The following ADGRL3 variants were observed in gnomAD, a reference collection of about 807,000 sequenced individuals.
ADGRL3 encodes calcium-independent alpha-latrotoxin receptor 3.
A neutral mutation model predicts 153.5 loss-of-function variants in ADGRL3; 62 were observed. The ratio of observed to expected loss-of-function variants is 0.40; its 90% CI spans 0.33 to 0.50. The LOEUF (loss-of-function observed/expected upper bound fraction) is 0.50. ADGRL3 is among the 20% of genes least tolerant of loss of function. The pLI is 0.47. For synonymous variants in ADGRL3, 710 were observed against 672.5 expected, an observed-to-expected ratio of 1.06 and a Z score of -0.86; for missense variants, 1,641 against 1,859.4, an observed-to-expected ratio of 0.88 and a Z score of 2.16.
chr4:61,806,931 T>A (rs1332464364), intron 8 of ADGRL3, among the ~76,000 whole-genome samples: 1 of 152,098 alleles, frequency 6.6e-6, no homozygotes, highest in African/African-American at 2.4e-5. Context: ...CCTCTACTAG[T>A]CTTTCCTGAG....
At chr4:61,891,186 C>T (rs367578449) in intron 9 of ADGRL3, among the ~76,000 whole-genome samples, 8 of 145,904 alleles carry the variant, frequency 5.5e-5, no homozygotes, top group Admixed American at 2.8e-4. Context: ...GGGAGCTGAA[C>T]GTAGATAGTG....
intron 9 of ADGRL3, among the ~76,000 whole-genome samples, chr4:61,881,963 T>C (rs2098511275): frequency 6.6e-6 from 1 of 152,242 alleles, no homozygotes; most frequent in Non-Finnish European, 1.5e-5. Flanking sequence ...TGTTGTTCAC[T>C]GAGAAATCTG....
At chr4:61,486,828 A>C (rs2098199926) in intron 2 of ADGRL3, among the ~76,000 whole-genome samples, 2 of 152,160 alleles carry the variant, frequency 1.3e-5, no homozygotes, top group African/African-American at 4.8e-5. Flanking sequence ...AGATCCTGGA[A>C]GATCATGGTT....
At chr4:61,841,416 G>C (rs538027449) in intron 9 of ADGRL3, among the ~76,000 whole-genome samples, 6 of 152,070 alleles carry the variant, frequency 3.9e-5, no homozygotes, top group Admixed American at 2.0e-4. Flanking sequence ...GCTTGTACCC[G>C]GGAGGAAACT....
intron 9 of ADGRL3, among the ~76,000 whole-genome samples, chr4:61,832,982 T>C (rs2097890603): frequency 2.6e-5 from 4 of 152,154 alleles, no homozygotes; most frequent in South Asian, 4.1e-4. Context: ...TGTAGAGCCA[T>C]GTATAGTTCC....
intron 2 of ADGRL3, among the ~76,000 whole-genome samples, chr4:61,432,573 C>CCTTTCTTTCTTT (rs1219373046): frequency 2.8e-5 from 1 of 35,864 alleles, no homozygotes; most frequent in African/African-American, 7.7e-5. Context: ...TCTTTCTCTT[C>CCTTTCTTTCTTT]CTTTCTTTCT....
chr4:61,832,170 T>C (rs1228187006), intron 9 of ADGRL3, among the ~76,000 whole-genome samples: 1 of 151,948 alleles, frequency 6.6e-6, no homozygotes, highest in Non-Finnish European at 1.5e-5. Flanking sequence ...TGTATGAGAC[T>C]TGGAGAGGGG....
At chr4:62,018,812 A>G (rs574229063) in intron 21 of ADGRL3, among the ~76,000 whole-genome samples, 109 of 152,286 alleles carry the variant, frequency 7.2e-4, no homozygotes, top group African/African-American at 2.3e-3. Context: ...CACTGGGGGC[A>G]GTAGGTACGG....
intron 1 of ADGRL3, among the ~76,000 whole-genome samples, chr4:61,359,357 A>T (rs925299752): frequency 3.9e-5 from 6 of 152,200 alleles, no homozygotes; most frequent in African/African-American, 9.6e-5. Context: ...CTCATGAAAT[A>T]AAAGCTAGAA....
At position 62,070,431 on chromosome 4, in the gene ADGRL3, C is replaced by A. The variant is rs1189224567; in HGVS notation, c.4155C>A (p.Asn1385Lys). ...AIVLDDATSF[N>K]HEESLGLELI... ...TCCTGGATGATGCCACCTCGTTTAACCACGAGGAGAGTTTGGGCCTGGAAC... is the reference window on the plus strand; with the variant it reads ...TCCTGGATGATGCCACCTCGTTTAAACACGAGGAGAGTTTGGGCCTGGAAC... Residue 1385 changes from asparagine to lysine, a missense_variant, in exon 27 of 27, where the codon AAC (asparagine) becomes AAA (lysine). Physicochemically the swap from Asn to Lys is moderately conservative, Grantham distance 94. Transcript: ENST00000683033. The A allele has an allele frequency of 6.4e-7, 1 of 1,551,892 alleles. No individual in the cohort carries two copies. Among genetic ancestry groups the A allele is most frequent in the South Asian group, 1.2e-5 (1 of 84,028 alleles).
intron 6 of ADGRL3, among the ~76,000 whole-genome samples, chr4:61,714,295 G>A (rs544329477): frequency 6.7e-6 from 1 of 150,198 alleles, no homozygotes; most frequent in East Asian, 2.0e-4. Context: ...TATAAAACTT[G>A]ATATTATGAG....
At position 61,499,894 on chromosome 4, in the gene ADGRL3, A is replaced by G. The variant is rs901537811; in HGVS notation, c.55+2546A>G. Among the ~76,000 whole-genome samples the G allele has an allele frequency of 7.9e-5, 12 of 152,032 alleles. No individual in the cohort carries two copies. The South Asian group carries it at 1.0e-3, about 13-fold the overall frequency. On this transcript the variant is annotated intron_variant, in intron 3 of 26. Transcript: ENST00000683033. The stretch of plus-strand genomic sequence containing the variant: ...CTGGTCCCTAAAACTGACACATACT[A>G]TGTATTTCAGTGGACCCCTAAATGT...
rs182233022 is a variant in ADGRL3 at position 61,402,275 on chromosome 4, T to C, written c.-174+19086T>C. Among the ~76,000 whole-genome samples, 216 of 152,262 alleles carry C rather than the reference T, an allele frequency of 1.4e-3. 1 individual carries two copies. The highest frequency in any genetic ancestry group is 5.0e-3 in the African/African-American group (209 of 41,568). On this transcript the variant is annotated intron_variant, in intron 2 of 26. Coordinates refer to ENST00000683033, the MANE Select transcript of ADGRL3 (RefSeq NM_001387552.1). ...GAAGGGGTTGTTTGTTTATTTATTT[T>C]GATATTATTTACCTGCATGAGAAAA...
intron 13 of ADGRL3, among the ~76,000 whole-genome samples, chr4:61,928,414 C>G (rs1435276342): frequency 6.6e-6 from 1 of 152,100 alleles, no homozygotes; most frequent in Non-Finnish European, 1.5e-5. Flanking sequence ...TCCTCCTCAG[C>G]AAGAGTCTAT....
intron 5 of ADGRL3, among the ~76,000 whole-genome samples, chr4:61,654,865 C>T (rs1237352848): frequency 1.3e-5 from 2 of 152,018 alleles, no homozygotes; most frequent in Non-Finnish European, 2.9e-5. Context: ...CTACTGCACT[C>T]CAGCTTGGGC....
chr4:61,401,792 A>AGTGTTTCTCTAGTAATAGGT (rs2096932949), intron 2 of ADGRL3, among the ~76,000 whole-genome samples: 1 of 152,078 alleles, frequency 6.6e-6, no homozygotes, highest in African/African-American at 2.4e-5. Context: ...ATGTAGATTC[A>AGTGTTTCTCTAGTAATAGGT]GTGTTTCTCT....
intron 9 of ADGRL3, among the ~76,000 whole-genome samples, chr4:61,869,960 A>AAAAAAGAG (rs1554051477): frequency 9.8e-6 from 1 of 101,866 alleles, no homozygotes; most frequent in Non-Finnish European, 2.0e-5. Context: ...AAAAAAAAAA[A>AAAAAAGAG]AGAGAGAGAG....
At chr4:61,665,721 A>G (rs2094770572) in intron 5 of ADGRL3, among the ~76,000 whole-genome samples, 1 of 152,224 alleles carries the variant, frequency 6.6e-6, no homozygotes, top group Admixed American at 6.5e-5. Flanking sequence ...TGATATGAAT[A>G]GAAATGCCAT....
intron 9 of ADGRL3, among the ~76,000 whole-genome samples, chr4:61,887,526 T>C (rs1412870798): frequency 6.6e-6 from 1 of 152,102 alleles, no homozygotes; most frequent in Non-Finnish European, 1.5e-5. Context: ...TTGGTCTGAA[T>C]TAAATGAGAT....
Sources: gnomAD v4.1 joint callset for allele counts (sites outside exome capture counted in the v4.1 genomes callset) on GRCh38, gnomAD v4.1.1 for gene constraint, MANE v1.5 for transcripts, NCBI Gene and HGNC (gene_info 2026-07-23, HGNC 2026-07-21) for gene names.